Variants in AFF2 observed in about 807,000 individuals in gnomAD.
AFF2 encodes the protein AF4/FMR2 family member 2.
In AFF2, 14 loss-of-function variants were observed where a neutral mutation model predicts 76.9. That is an observed-to-expected ratio of 0.18 (90% CI 0.12 to 0.28). The LOEUF (loss-of-function observed/expected upper bound fraction) is 0.28, where lower values mean the gene tolerates loss of function less well. Among genes scored for constraint, AFF2 ranks in the 10% least tolerant of loss-of-function variants. The pLI, the probability that AFF2 is intolerant of heterozygous loss-of-function variation, is 1.00. For missense variants in AFF2, 868 were observed against 1,001.1 expected, an observed-to-expected ratio of 0.87 and a Z score of 1.79; for synonymous variants, 398 against 366.7, an observed-to-expected ratio of 1.09 and a Z score of -0.98.
At chrX:148,773,714 G>GAAAGAA (rs2069627162) in intron 3 of AFF2, among the ~76,000 whole-genome samples, 3 of 97,929 alleles carry the variant, frequency 3.1e-5, no homozygotes, top group Non-Finnish European at 6.0e-5. Flanking sequence ...AAGAAAGAAA[G>GAAAGAA]AAAGAAAGAA....
chrX:148,733,941 C>A (rs905341745), intron 3 of AFF2, among the ~76,000 whole-genome samples: 1 of 112,388 alleles, frequency 8.9e-6, no homozygotes, highest in Non-Finnish European at 1.9e-5. Flanking sequence ...TTGGTTCCAA[C>A]AATAGTGCCA....
intron 3 of AFF2, among the ~76,000 whole-genome samples, chrX:148,685,424 A>G (rs1218746012): frequency 8.9e-6 from 1 of 112,661 alleles, no homozygotes; most frequent in African/African-American, 3.2e-5. Context: ...AGGGCTATTG[A>G]AAGCATCTGC....
At chrX:148,506,408 G>T (rs976496286) in intron 1 of AFF2, among the ~76,000 whole-genome samples, 1 of 111,643 alleles carries the variant, frequency 9.0e-6, no homozygotes, top group Non-Finnish European at 1.9e-5. Flanking sequence ...AAATGGATTG[G>T]ATTGTGTATA....
chrX:148,978,579 G>A (rs2072354610), intron 18 of AFF2, 124 bp downstream of exon 18: 1 of 489,713 alleles, frequency 2.0e-6, no homozygotes, highest in East Asian at 3.7e-5. Flanking sequence ...TGCTGGCCAT[G>A]GCCGTCCTAC....
intron 3 of AFF2, among the ~76,000 whole-genome samples, chrX:148,692,144 T>TA (rs1435771852): frequency 2.7e-5 from 3 of 110,791 alleles, no homozygotes; most frequent in African/African-American, 9.8e-5. Flanking sequence ...AATGATTTTC[T>TA]AAAAAAAGGA....
At position 148,886,106 on chromosome X, in the gene AFF2, G is replaced by C. The variant is rs781963071; in HGVS notation, c.1359+121G>C. On this transcript the variant is annotated intron_variant, in intron 8 of 20. Coordinates refer to ENST00000370460, the MANE Select transcript of AFF2 (RefSeq NM_002025.4). ...GCTTTATCTCTGGGCTTTGGAGAGA[G>C]GGAAAGAAGCAAAGATGAGCATAGT... 3 of 550,629 alleles carry C rather than the reference G, an allele frequency of 5.4e-6. No individual in the cohort carries two copies. The South Asian group carries it at 8.1e-5, about 15-fold the overall frequency. 45.4% of individuals were successfully genotyped at this position (550,629 alleles called of 1,213,427 possible). A position where few individuals can be genotyped will look rare whatever the true frequency, so the allele number is the denominator to read the frequency against.
At chrX:148,589,273 G>T (rs1334692618) in intron 1 of AFF2, among the ~76,000 whole-genome samples, 1 of 111,615 alleles carries the variant, frequency 9.0e-6, no homozygotes, top group African/African-American at 3.3e-5. Flanking sequence ...CTCTGATAAA[G>T]CAGGCTCTGA....
chrX:148,934,519 A>G, intron 9 of AFF2, among the ~76,000 whole-genome samples: 2 of 112,590 alleles, frequency 1.8e-5, no homozygotes, highest in Admixed American at 1.9e-4. Context: ...AGAAACCTAA[A>G]TGATGATGAC....
At chrX:148,530,220 C>G (rs2052714288) in intron 1 of AFF2, among the ~76,000 whole-genome samples, 1 of 111,515 alleles carries the variant, frequency 9.0e-6, no homozygotes, top group Admixed American at 9.6e-5. Flanking sequence ...CTACTGTTAT[C>G]ATTATTGTCA....
intron 4 of AFF2, among the ~76,000 whole-genome samples, chrX:148,834,553 A>T (rs926218532): frequency 1.7e-4 from 17 of 102,916 alleles, no homozygotes; most frequent in African/African-American, 5.8e-4. Context: ...GTGTGTATGT[A>T]ACTTATTTTT....
intron 4 of AFF2, among the ~76,000 whole-genome samples, chrX:148,828,360 C>T (rs1408727243): frequency 1.8e-5 from 2 of 111,857 alleles, no homozygotes; most frequent in African/African-American, 6.5e-5. Flanking sequence ...CTTTGCAGAA[C>T]ACTTTCTCAG....
rs1308336444 is a variant in AFF2 at position 148,948,007 on chromosome X, G to A, written c.1398-5573G>A. Among the ~76,000 whole-genome samples the A allele has an allele frequency of 4.5e-5, 5 of 112,114 alleles. No homozygotes were observed. The Admixed American group carries it at 4.7e-4, about 11-fold the overall frequency. ...TGAAATGTGTTGCCAAGATCAATAT[G>A]TGGACTTGCTTATAGAATCCTCCCA... On this transcript the variant is annotated intron_variant, in intron 9 of 20. Transcript: ENST00000370460.
At chrX:148,831,831 A>G (rs1557273355) in intron 4 of AFF2, among the ~76,000 whole-genome samples, 2 of 111,987 alleles carry the variant, frequency 1.8e-5, no homozygotes, top group Non-Finnish European at 3.8e-5. Context: ...AACTGTCAGG[A>G]ACCATGGATA....
rs140525796 is a variant in AFF2 at position 148,956,110 on chromosome X, C to T, written c.2065C>T (p.Pro689Ser). The change falls in exon 11 of 21, where the codon CCT (proline) becomes TCT (serine). Residue 689 changes from proline (P) to serine (S), a missense_variant. Transcript: ENST00000370460. Reference sequence around the variant, plus strand: ...TAGGAAAGAACCAAGACCTAACATCCCTTTGGCTCCCGAGAAGAAGAAGTA... The same window carrying T: ...TAGGAAAGAACCAAGACCTAACATCTCTTTGGCTCCCGAGAAGAAGAAGTA... Reference protein sequence around the residue: ...APRKEPRPNIPLAPEKKKYRG... With the variant: ...APRKEPRPNISLAPEKKKYRG... The T allele has an allele frequency of 1.5e-3, 1,838 of 1,208,160 alleles. 4 individuals carry two copies. Among genetic ancestry groups the T allele is most frequent in the Non-Finnish European group, 1.1e-3 (978 of 894,792 alleles).
chrX:148,540,999 C>T (rs1298997123), intron 1 of AFF2, among the ~76,000 whole-genome samples: 1 of 112,226 alleles, frequency 8.9e-6, no homozygotes, highest in African/African-American at 3.2e-5. Flanking sequence ...TCAGCTACGC[C>T]AGATGCCTTT....
intron 3 of AFF2, among the ~76,000 whole-genome samples, chrX:148,667,125 C>T (rs1280757563): frequency 8.9e-6 from 1 of 112,305 alleles, no homozygotes; most frequent in African/African-American, 3.2e-5. Context: ...TGCCACAAAA[C>T]TAGTGGCCTT....
intron 9 of AFF2, among the ~76,000 whole-genome samples, chrX:148,944,530 G>T (rs782086969): frequency 6.4e-4 from 57 of 89,330 alleles, no homozygotes; most frequent in Admixed American, 1.9e-3. Flanking sequence ...AAGGCAAAAG[G>T]TACAAAAATA....
chrX:148,962,611 A>G (rs1376982735), intron 12 of AFF2, 104 bp from the exon 13 acceptor site: 6 of 625,121 alleles, frequency 9.6e-6, no homozygotes, highest in Non-Finnish European at 1.2e-5. Context: ...GTAGAGGGAC[A>G]GCAATTAAAA....
At chrX:148,989,524 G>T (rs1287991915) in intron 20 of AFF2, among the ~76,000 whole-genome samples, 1 of 112,202 alleles carries the variant, frequency 8.9e-6, no homozygotes, top group Non-Finnish European at 1.9e-5. Flanking sequence ...GTTTTCAGCG[G>T]ACTGGGGAGA....
Sources: allele counts gnomAD v4.1 joint callset (sites outside exome capture counted in the v4.1 genomes callset), GRCh38; gene constraint gnomAD v4.1.1; transcripts MANE v1.5; gene names NCBI Gene and HGNC (gene_info 2026-07-23, HGNC 2026-07-21).